Variants in XPO7 observed in about 807,000 individuals in gnomAD.
XPO7 encodes exportin-7.
XPO7 carries 21 observed loss-of-function variants against 144.3 expected under a neutral mutation model. That is an observed-to-expected ratio of 0.15 (90% CI 0.10 to 0.21). XPO7 has a LOEUF of 0.21. Ranked by LOEUF, XPO7 falls within the 10% of genes least tolerant of loss-of-function variation. XPO7 has a pLI of 1.00. For synonymous variants in XPO7, 580 were observed against 499.6 expected (o/e 1.16, Z -2.15); for missense variants, 808 against 1,325.8 (o/e 0.61, Z 6.06).
intron 7 of XPO7, 70 bp downstream of exon 7, chr8:21,976,591 A>G: frequency 1.4e-6 from 2 of 1,479,594 alleles, no homozygotes; most frequent in Non-Finnish European, 1.8e-6. Context: ...AATGATCTAA[A>G]GAACTCCTGG....
chr8:21,944,862 C>T lies in XPO7; in HGVS notation c.19-21995C>T, dbSNP rs540496736. On this transcript the variant is annotated intron_variant, in intron 1 of 27. Transcript: ENST00000252512. Reference sequence around the variant, plus strand: ...CTGTTTAACAAAGCACATCTTGCACCGCCCTTAATCCATTTAACCCTTAGT... The same window carrying T: ...CTGTTTAACAAAGCACATCTTGCACTGCCCTTAATCCATTTAACCCTTAGT... Among the ~76,000 whole-genome samples, 14 of 152,202 alleles carry T rather than the reference C, an allele frequency of 9.2e-5. No individual in the cohort carries two copies. In the East Asian group the frequency reaches 1.4e-3, roughly 15 times the overall value.
intron 6 of XPO7, among the ~76,000 whole-genome samples, chr8:21,975,039 C>G (rs1463936874): frequency 6.6e-6 from 1 of 152,204 alleles, no homozygotes; most frequent in Non-Finnish European, 1.5e-5. Context: ...ATACTCCTAT[C>G]TTAAAGGGAT....
chr8:21,938,186 G>A (rs911261459), intron 1 of XPO7, among the ~76,000 whole-genome samples: 2 of 152,040 alleles, frequency 1.3e-5, no homozygotes, highest in African/African-American at 4.8e-5. Context: ...CACAGAACCA[G>A]TTACATTCAA....
rs779636992 is a variant in XPO7, at chr8:21,919,804, G to A, written c.18+16G>A. 8.5e-5 allele frequency: 42 copies of A among 494,004 alleles called. No homozygotes were observed. The highest frequency in any genetic ancestry group is 3.6e-4 in the Admixed American group (7 of 19,718). 30.6% of individuals were successfully genotyped at this position (494,004 alleles called of 1,614,324 possible). ...TCATGTGCAGGTGAGAGGAGCCGCG[G>A]GGGGGAGGGGGCGACCACGAAGAGC... On this transcript the variant is annotated intron_variant, in intron 1 of 27. Transcript: ENST00000252512.
chr8:21,979,432 G>C (rs1812332005), intron 8 of XPO7, among the ~76,000 whole-genome samples: 1 of 148,942 alleles, frequency 6.7e-6, no homozygotes, highest in South Asian at 2.1e-4. Flanking sequence ...TTTTGAGACG[G>C]AGTCTCTCAC....
intron 10 of XPO7, 116 bp downstream of exon 10, chr8:21,981,993 A>G (rs1378454032): frequency 8.1e-6 from 11 of 1,363,242 alleles, no homozygotes; most frequent in Non-Finnish European, 1.0e-5. Context: ...TAAGTCCAGT[A>G]TAGCCCTACA....
chr8:21,952,376 C>T (rs1240271771), intron 1 of XPO7, among the ~76,000 whole-genome samples: 1 of 151,718 alleles, frequency 6.6e-6, no homozygotes, highest in Non-Finnish European at 1.5e-5. Flanking sequence ...ATGTTTTCAA[C>T]TGTTGAAGTA....
At chr8:22,001,840 ATTTG>A (rs1813158539) in intron 24 of XPO7, among the ~76,000 whole-genome samples, 1 of 152,216 alleles carries the variant, frequency 6.6e-6, no homozygotes, top group Admixed American at 6.5e-5. Flanking sequence ...GAATCAAACT[ATTTG>A]TTATTTTGTG....
chr8:21,957,691 G>A (rs1811582332), intron 1 of XPO7, among the ~76,000 whole-genome samples: 1 of 152,186 alleles, frequency 6.6e-6, no homozygotes, highest in South Asian at 2.1e-4. Context: ...TTAAGAGTTA[G>A]ACTTATCCAA....
At chr8:21,988,924 CT>C (rs1347394510) in intron 15 of XPO7, 78 bp from the exon 16 acceptor site, 13 of 1,353,886 alleles carry the variant, frequency 9.6e-6, no homozygotes, top group Non-Finnish European at 1.3e-5. Context: ...TGATGAATGA[CT>C]TTCTTCTTCT....
rs991867849 is a variant in XPO7, at chr8:21,987,024, T to C, written c.1578-117T>C. The C allele has an allele frequency of 1.6e-5, 23 of 1,426,762 alleles. No individual in the cohort carries two copies. In the Middle Eastern group the frequency reaches 7.7e-4, roughly 48 times the overall value. 88.4% of individuals were successfully genotyped at this position (1,426,762 alleles called of 1,614,324 possible). On this transcript the variant is annotated intron_variant, in intron 13 of 27. Transcript: ENST00000252512. Reference sequence around the variant, plus strand: ...CCTCATTTATGTAGATGAATTTGGTTGCAGGAGGTTGCTGTACCCAAGTAC... The same window carrying C: ...CCTCATTTATGTAGATGAATTTGGTCGCAGGAGGTTGCTGTACCCAAGTAC...
At chr8:21,978,406 A>T (rs1365412579) in intron 8 of XPO7, among the ~76,000 whole-genome samples, 1 of 152,234 alleles carries the variant, frequency 6.6e-6, no homozygotes, top group Non-Finnish European at 1.5e-5. Flanking sequence ...GGTTGGTGTT[A>T]TACACAAAAT....
intron 19 of XPO7, 81 bp from the exon 20 acceptor site, chr8:21,994,282 G>T: frequency 9.9e-7 from 1 of 1,006,706 alleles, no homozygotes; most frequent in Non-Finnish European, 1.5e-6. Context: ...AGAATTTGAT[G>T]ATACATGTGT....
chr8:21,995,064 A>AAATAAT (rs150929948), intron 20 of XPO7, among the ~76,000 whole-genome samples: 2 of 150,356 alleles, frequency 1.3e-5, no homozygotes, highest in East Asian at 3.9e-4. Flanking sequence ...AAAAAAAAAT[A>AAATAAT]AATAATAATA....
chr8:21,987,683 C>T (rs767024967), intron 14 of XPO7, 101 bp from the exon 15 acceptor site: 19 of 1,303,722 alleles, frequency 1.5e-5, no homozygotes, highest in Non-Finnish European at 1.9e-5. Context: ...GATTCTTGTC[C>T]ATTTTCTTCC....
intron 2 of XPO7, among the ~76,000 whole-genome samples, chr8:21,968,076 G>A (rs1666697800): frequency 6.6e-6 from 1 of 152,160 alleles, no homozygotes; most frequent in African/African-American, 2.4e-5. Context: ...CTCTTTCACA[G>A]ATGAAAGAGA....
chr8:21,940,052 T>A (rs891806121), intron 1 of XPO7, among the ~76,000 whole-genome samples: 3 of 152,222 alleles, frequency 2.0e-5, no homozygotes, highest in Non-Finnish European at 1.5e-5. Flanking sequence ...ATCTTCACAC[T>A]CCTAAATCTA....
intron 1 of XPO7, among the ~76,000 whole-genome samples, chr8:21,956,589 T>C (rs926224500): frequency 6.6e-6 from 1 of 152,180 alleles, no homozygotes; most frequent in African/African-American, 2.4e-5. Flanking sequence ...TCTGATTTTT[T>C]TAAACTTTGC....
At chr8:21,932,727 C>CAATTGG (rs1585417920) in intron 1 of XPO7, among the ~76,000 whole-genome samples, 1 of 152,120 alleles carries the variant, frequency 6.6e-6, no homozygotes, top group Admixed American at 6.6e-5. Context: ...GTTTAGATGA[C>CAATTGG]AATTGGACCA....
Sources: allele counts gnomAD v4.1 joint callset (sites outside exome capture counted in the v4.1 genomes callset), GRCh38; gene constraint gnomAD v4.1.1; transcripts MANE v1.5; gene names NCBI Gene and HGNC (gene_info 2026-07-23, HGNC 2026-07-21).